The following MAGI1 variants were observed in gnomAD, a reference collection of about 807,000 sequenced individuals.
MAGI1 encodes membrane associated guanylate kinase, WW and PDZ domain containing 1, also known as membrane-associated guanylate kinase, WW and PDZ domain-containing protein 1.
In MAGI1, 58 loss-of-function variants were observed where a neutral mutation model predicts 139.9. The observed-to-expected ratio is 0.41, with a 90% CI of 0.34 to 0.52. MAGI1 has a LOEUF of 0.52. Among genes scored for constraint, MAGI1 ranks in the 20% least tolerant of loss-of-function variants. The pLI is 0.12. For synonymous variants in MAGI1, 812 were observed against 737.9 expected, an observed-to-expected ratio of 1.10 and a Z score of -1.63; for missense variants, 1,874 against 1,901.6, an observed-to-expected ratio of 0.99 and a Z score of 0.27.
rs191593941 is a variant in MAGI1, at chr3:65,515,737, C to T, written c.431-22106G>A. Among the ~76,000 whole-genome samples, 474 of 152,304 alleles carry T rather than the reference C, an allele frequency of 3.1e-3. 1 individual carries two copies. The highest frequency in any genetic ancestry group is 4.7e-3 in the Non-Finnish European group (320 of 68,014). ...TTCTGGGAATCTTCAGCCAAACTCT[C>T]AGCCATCAGAATTGTCACTTGTCAC... On this transcript the variant is annotated intron_variant, in intron 2 of 22. Coordinates refer to ENST00000402939, the MANE Select transcript of MAGI1 (RefSeq NM_001033057.2).
chr3:65,755,300 G>C (rs142429423), intron 1 of MAGI1, among the ~76,000 whole-genome samples: 27 of 152,212 alleles, frequency 1.8e-4, no homozygotes, highest in African/African-American at 6.3e-4. Context: ...CACCCAAGGA[G>C]GTAGTTATTT....
intron 1 of MAGI1, among the ~76,000 whole-genome samples, chr3:65,897,115 T>C (rs2061001877): frequency 6.6e-6 from 1 of 152,234 alleles, no homozygotes; most frequent in African/African-American, 2.4e-5. Flanking sequence ...AAATAGTTGT[T>C]ATACTGTTTT....
chr3:65,819,387 T>C (rs1446986097), intron 1 of MAGI1, among the ~76,000 whole-genome samples: 1 of 152,172 alleles, frequency 6.6e-6, no homozygotes, highest in Admixed American at 6.6e-5. Flanking sequence ...CTTAATTCAC[T>C]TGACCTAAAT....
intron 1 of MAGI1, among the ~76,000 whole-genome samples, chr3:66,010,204 T>C (rs1489921765): frequency 6.6e-6 from 1 of 151,084 alleles, no homozygotes. Flanking sequence ...TAGTAAGTCA[T>C]CACAATAACA....
At chr3:65,732,245 G>A (rs2034267600) in intron 1 of MAGI1, among the ~76,000 whole-genome samples, 1 of 152,124 alleles carries the variant, frequency 6.6e-6, no homozygotes, top group Non-Finnish European at 1.5e-5. Flanking sequence ...CTGCACTTAG[G>A]TAAAACACAC....
intron 13 of MAGI1, among the ~76,000 whole-genome samples, chr3:65,399,980 A>C (rs551357469): frequency 6.6e-6 from 1 of 152,180 alleles, no homozygotes; most frequent in Non-Finnish European, 1.5e-5. Flanking sequence ...GTGTAAAATA[A>C]GCCCATGTAT....
At chr3:65,935,127 A>T (rs1292450760) in intron 1 of MAGI1, among the ~76,000 whole-genome samples, 1 of 152,220 alleles carries the variant, frequency 6.6e-6, no homozygotes, top group Non-Finnish European at 1.5e-5. Flanking sequence ...TCCTTAGTAA[A>T]TGACATTGAA....
intron 2 of MAGI1, among the ~76,000 whole-genome samples, chr3:65,511,751 C>A (rs2077607391): frequency 6.7e-6 from 1 of 149,860 alleles, no homozygotes; most frequent in Non-Finnish European, 1.5e-5. Flanking sequence ...ATCAACGACA[C>A]AGAAAGTCAA....
At chr3:65,814,252 C>G (rs2041462518) in intron 1 of MAGI1, among the ~76,000 whole-genome samples, 1 of 152,034 alleles carries the variant, frequency 6.6e-6, no homozygotes, top group Admixed American at 6.6e-5. Flanking sequence ...CTACATAAAA[C>G]AGTCATGATA....
intron 1 of MAGI1, among the ~76,000 whole-genome samples, chr3:65,968,313 C>T (rs779583944): frequency 2.6e-5 from 4 of 151,994 alleles, no homozygotes; most frequent in South Asian, 2.1e-4. Context: ...CAAAATACAA[C>T]GATATATTAC....
At chr3:65,839,141 C>T (rs1166061818) in intron 1 of MAGI1, among the ~76,000 whole-genome samples, 1 of 152,026 alleles carries the variant, frequency 6.6e-6, no homozygotes, top group Non-Finnish European at 1.5e-5. Flanking sequence ...AACAACAGAC[C>T]ACATATACAA....
chr3:65,957,520 C>CAAAAAAAAAAA (rs761240940), intron 1 of MAGI1, among the ~76,000 whole-genome samples: 11 of 30,964 alleles, frequency 3.6e-4, no homozygotes, highest in Non-Finnish European at 5.2e-4. Context: ...GACTTCATCT[C>CAAAAAAAAAAA]AAAAAAAAAA....
chr3:65,918,568 A>G (rs2062019496), intron 1 of MAGI1, among the ~76,000 whole-genome samples: 1 of 151,860 alleles, frequency 6.6e-6, no homozygotes, highest in South Asian at 2.1e-4. Flanking sequence ...TTTAGTAGCG[A>G]TGGGGTTTCA....
intron 1 of MAGI1, among the ~76,000 whole-genome samples, chr3:65,716,464 G>A (rs1463352136): frequency 6.6e-6 from 1 of 152,222 alleles, no homozygotes; most frequent in Non-Finnish European, 1.5e-5. Flanking sequence ...ATGAGGGGAA[G>A]GGAAGAGCAG....
intron 1 of MAGI1, among the ~76,000 whole-genome samples, chr3:65,945,032 A>G (rs2063488816): frequency 6.6e-6 from 1 of 152,202 alleles, no homozygotes; most frequent in East Asian, 1.9e-4. Context: ...AACATATATG[A>G]AAAGCAACAA....
At chr3:66,023,289 G>C (rs919382223) in intron 1 of MAGI1, among the ~76,000 whole-genome samples, 1 of 152,136 alleles carries the variant, frequency 6.6e-6, no homozygotes, top group Admixed American at 6.6e-5. Context: ...CACAGTACAA[G>C]TCCAAACCAA....
At chr3:65,586,586 G>C (rs903475421) in intron 2 of MAGI1, among the ~76,000 whole-genome samples, 14 of 151,986 alleles carry the variant, frequency 9.2e-5, no homozygotes, top group Admixed American at 8.5e-4. Context: ...AATGTGATTT[G>C]AATGACAGAA....
intron 13 of MAGI1, among the ~76,000 whole-genome samples, chr3:65,395,557 G>A (rs1328664560): frequency 2.8e-5 from 4 of 145,244 alleles, no homozygotes; most frequent in South Asian, 2.2e-4. Flanking sequence ...CACGAGAATC[G>A]CTTGGAAAGG....
intron 1 of MAGI1, chr3:65,688,178 C>A (rs189087017): frequency 5.5e-5 from 42 of 764,006 alleles, no homozygotes; most frequent in East Asian, 3.7e-4. Flanking sequence ...CCCGTGAGAG[C>A]GGCAACTTCA....
Sources: allele counts gnomAD v4.1 joint callset (sites outside exome capture counted in the v4.1 genomes callset), GRCh38; gene constraint gnomAD v4.1.1; transcripts MANE v1.5; gene names NCBI Gene and HGNC (gene_info 2026-07-23, HGNC 2026-07-21).